Variants in TFDP2 observed in about 807,000 individuals in gnomAD.
The protein encoded by TFDP2 is transcription factor Dp-2, also known as transcription factor Dp-2 (E2F dimerization partner 2).
TFDP2 carries 17 observed loss-of-function variants against 59.3 expected under a neutral mutation model. That is an observed-to-expected ratio of 0.29 (90% CI 0.20 to 0.43). The LOEUF is 0.43. Ranked by LOEUF, TFDP2 falls within the 20% of genes least tolerant of loss-of-function variation. The probability of loss-of-function intolerance (pLI) is 1.00; values close to 1 mark genes in which losing one functional copy is unlikely to be tolerated. For missense variants in TFDP2, 391 were observed against 528.8 expected (o/e 0.74, Z 2.56); for synonymous variants, 180 against 194.7 (o/e 0.92, Z 0.63).
chr3:141,978,805 T>C, intron 6 of TFDP2, 123 bp from the exon 7 acceptor site: 1 of 706,306 alleles, frequency 1.4e-6, no homozygotes, highest in African/African-American at 1.8e-5. Context: ...AAAATTTAAA[T>C]TGAATAGAGA....
At chr3:141,982,751 T>C (rs1353798935) in intron 6 of TFDP2, among the ~76,000 whole-genome samples, 1 of 152,224 alleles carries the variant, frequency 6.6e-6, no homozygotes, top group Non-Finnish European at 1.5e-5. Context: ...TAACAACTAT[T>C]ATAAAACAGT....
At chr3:142,144,846 A>C (rs1461808544) in intron 1 of TFDP2, among the ~76,000 whole-genome samples, 2 of 152,178 alleles carry the variant, frequency 1.3e-5, no homozygotes, top group Non-Finnish European at 2.9e-5. Context: ...CCCAGAAACG[A>C]CTTTTAAAAC....
At position 142,122,496 on chromosome 3, in the gene TFDP2, C is replaced by G. The variant is rs149047852; in HGVS notation, c.-92-20655G>C. On this transcript the variant is annotated intron_variant, in intron 1 of 12. Coordinates refer to ENST00000489671, the MANE Select transcript of TFDP2 (RefSeq NM_001178139.2). ...GGGAGACTATCATGCAGAAAGTTTC[C>G]TGGGAAGTGCTCTGGGGAGATATAC... is the stretch of plus-strand genomic sequence containing the variant. Among the ~76,000 whole-genome samples, 840 of 152,250 alleles carry G rather than the reference C, an allele frequency of 5.5e-3. 7 individuals carry two copies. The highest frequency in any genetic ancestry group is 9.0e-3 in the Non-Finnish European group (613 of 68,002).
chr3:142,102,442 A>AG (rs1205116529), intron 1 of TFDP2, among the ~76,000 whole-genome samples: 1 of 152,206 alleles, frequency 6.6e-6, no homozygotes, highest in African/African-American at 2.4e-5. Flanking sequence ...CTGGGGCTAA[A>AG]GGGGGAGATG....
chr3:142,091,877 T>C (rs1370039354), intron 3 of TFDP2, among the ~76,000 whole-genome samples: 2 of 152,210 alleles, frequency 1.3e-5, no homozygotes, highest in African/African-American at 4.8e-5. Flanking sequence ...CCTTCTGCTA[T>C]GCAGCCTGGT....
chr3:142,057,299 T>C (rs2059779646), intron 3 of TFDP2, among the ~76,000 whole-genome samples: 1 of 152,204 alleles, frequency 6.6e-6, no homozygotes, highest in Non-Finnish European at 1.5e-5. Flanking sequence ...TTTAAAAAAA[T>C]ACTTAAGTAC....
At chr3:142,035,135 G>A (rs1425024374) in intron 3 of TFDP2, among the ~76,000 whole-genome samples, 1 of 152,010 alleles carries the variant, frequency 6.6e-6, no homozygotes, top group African/African-American at 2.4e-5. Flanking sequence ...TTGCTGTACT[G>A]TTGTTTCAGA....
intron 1 of TFDP2, among the ~76,000 whole-genome samples, chr3:142,122,260 C>A (rs1444598591): frequency 6.6e-6 from 1 of 152,188 alleles, no homozygotes. Flanking sequence ...TTGGGTCCCA[C>A]ATAACGATAA....
intron 1 of TFDP2, among the ~76,000 whole-genome samples, chr3:142,119,175 C>G (rs747818743): frequency 1.2e-4 from 18 of 151,800 alleles, no homozygotes; most frequent in Non-Finnish European, 2.9e-5. Context: ...AAAAAAAGTA[C>G]ATTCCAAGAA....
At chr3:142,015,120 T>C (rs1348001541) in intron 3 of TFDP2, among the ~76,000 whole-genome samples, 2 of 152,248 alleles carry the variant, frequency 1.3e-5, no homozygotes, top group Non-Finnish European at 2.9e-5. Context: ...CCCAACCTAC[T>C]GGCCATTCCT....
At chr3:142,088,601 CTTTTTTTTTTTCT>C (rs1220256909) in intron 3 of TFDP2, among the ~76,000 whole-genome samples, 3 of 129,978 alleles carry the variant, frequency 2.3e-5, no homozygotes, top group Non-Finnish European at 4.9e-5. Context: ...TGCGCCAGGT[CTTTTTTTTTTTCT>C]TTTTTTTTTT....
intron 3 of TFDP2, among the ~76,000 whole-genome samples, chr3:142,065,287 G>A (rs139681806): frequency 2.0e-4 from 31 of 151,886 alleles, no homozygotes; most frequent in African/African-American, 6.8e-4. Flanking sequence ...GGAGCAAGGA[G>A]CTGGGACTGC....
At position 142,111,337 on chromosome 3, in the gene TFDP2, A is replaced by G. The variant is rs369135519; in HGVS notation, c.-92-9496T>C. On this transcript the variant is annotated intron_variant, in intron 1 of 12. Transcript: ENST00000489671. ...CCAACTACTCAGAGGCTGAGGCAGG[A>G]GAATTGCTTGAGCCCAGCAGGCGGA... 2.0e-5 allele frequency among the ~76,000 whole-genome samples: 3 copies of G among 149,552 alleles called. No homozygotes were observed. In the East Asian group the frequency reaches 6.3e-4, roughly 31 times the overall value.
intron 10 of TFDP2, among the ~76,000 whole-genome samples, chr3:141,962,419 C>T (rs2107898585): frequency 6.6e-6 from 1 of 151,322 alleles, no homozygotes; most frequent in African/African-American, 2.4e-5. Context: ...AGTGTAGTGG[C>T]ACAATCTCGG....
intron 1 of TFDP2, among the ~76,000 whole-genome samples, chr3:142,130,835 T>C (rs2062476137): frequency 6.6e-6 from 1 of 151,992 alleles, no homozygotes; most frequent in Non-Finnish European, 1.5e-5. Flanking sequence ...ATGGCTCACC[T>C]GAGGTCAGGA....
chr3:142,123,823 T>A (rs1577038150), intron 1 of TFDP2, among the ~76,000 whole-genome samples: 1 of 152,040 alleles, frequency 6.6e-6, no homozygotes, highest in East Asian at 1.9e-4. Context: ...CACAACCAGA[T>A]GAAAGATAGA....
chr3:141,957,544 C>G (rs946018092), intron 11 of TFDP2, among the ~76,000 whole-genome samples: 11 of 151,792 alleles, frequency 7.2e-5, no homozygotes, highest in Non-Finnish European at 1.5e-4. Flanking sequence ...TTCGAGATAG[C>G]CAAAAAGTGG....
At chr3:142,111,158 G>A (rs1381210525) in intron 1 of TFDP2, among the ~76,000 whole-genome samples, 2 of 152,144 alleles carry the variant, frequency 1.3e-5, no homozygotes, top group African/African-American at 4.8e-5. Flanking sequence ...GCTGGGTGCG[G>A]TGGCTCACGC....
In TFDP2 at chr3:141,973,112, TATATATATA is replaced by T. The variant is rs1158875997; in HGVS notation, c.663+927_663+935del. ...CTATGTGTATATATATATATATATA[TATATATATA>T]TATTTTTTTTTTTTAAAGATGGAGT... On this transcript the variant is annotated intron_variant, in intron 8 of 12. Coordinates refer to ENST00000489671, the MANE Select transcript of TFDP2 (RefSeq NM_001178139.2). Among the ~76,000 whole-genome samples the T allele has an allele frequency of 8.4e-3, 942 of 111,612 alleles. 15 individuals carry two copies. The highest frequency in any genetic ancestry group is 0.022 in the Middle Eastern group (5 of 232). The allele number at this position is 111,612 out of a possible 152,430, so 73.2% of individuals were successfully genotyped here. A position where few individuals can be genotyped will look rare whatever the true frequency, so the allele number is the denominator to read the frequency against.
Sources: allele counts gnomAD v4.1 joint callset (sites outside exome capture counted in the v4.1 genomes callset), GRCh38; gene constraint gnomAD v4.1.1; transcripts MANE v1.5; gene names NCBI Gene and HGNC (gene_info 2026-07-23, HGNC 2026-07-21).